DCHS2: variants seen among roughly 807,000 people sequenced by gnomAD.
The protein encoded by DCHS2 is dachsous cadherin-related 2, also known as protocadherin-23.
Under a neutral mutation model 182.4 loss-of-function variants are expected in DCHS2, and 142 were observed. That is an observed-to-expected ratio of 0.78 (90% confidence interval 0.68 to 0.89). The LOEUF is 0.89. Ranked by LOEUF, DCHS2 falls within the 40% of genes least tolerant of loss-of-function variation. DCHS2 has a pLI of 0.00. For missense variants in DCHS2, 4,319 were observed against 4,198.6 expected (o/e 1.03, Z -0.79); for synonymous variants, 1,740 against 1,663.3 (o/e 1.05, Z -1.12).
chr4:154,271,427 C>T (rs1482794543), intron 13 of DCHS2, among the ~76,000 whole-genome samples: 1 of 152,052 alleles, frequency 6.6e-6, no homozygotes, highest in Non-Finnish European at 1.5e-5. Flanking sequence ...ACTTTATTTA[C>T]CAAAATAAGT....
At chr4:154,287,654 A>G (rs1324176288) in intron 13 of DCHS2, among the ~76,000 whole-genome samples, 1 of 151,876 alleles carries the variant, frequency 6.6e-6, no homozygotes, top group African/African-American at 2.4e-5. Context: ...TAATTTTTCT[A>G]TTTCTTTAAG....
chr4:154,355,497 A>C (rs1729818595), intron 3 of DCHS2: 1 of 152,140 alleles, frequency 6.6e-6, no homozygotes, highest in South Asian at 2.1e-4. Context: ...TAACCATAAA[A>C]ATAGCCAACC....
chr4:154,374,154 G>T (rs1034877501), intron 2 of DCHS2: 1 of 535,138 alleles, frequency 1.9e-6, no homozygotes, highest in Non-Finnish European at 3.3e-6. Context: ...TGACAGACAG[G>T]TTATGAGCAT....
intron 10 of DCHS2, among the ~76,000 whole-genome samples, chr4:154,308,045 T>A (rs1027825476): frequency 3.3e-5 from 5 of 152,178 alleles, no homozygotes; most frequent in Non-Finnish European, 5.9e-5. Context: ...CTTCTCTAGC[T>A]ATAAGAAGAA....
chr4:154,329,080 A>T (rs984314698), intron 6 of DCHS2, among the ~76,000 whole-genome samples: 5 of 152,242 alleles, frequency 3.3e-5, no homozygotes, highest in Non-Finnish European at 5.9e-5. Context: ...ATGTGATCAA[A>T]AGGATCAACT....
At chr4:154,244,424 G>A (rs974746685) in intron 16 of DCHS2, among the ~76,000 whole-genome samples, 7 of 152,160 alleles carry the variant, frequency 4.6e-5, no homozygotes, top group Non-Finnish European at 1.0e-4. Context: ...CTCTGAACAC[G>A]ATGAAGGCTA....
chr4:154,482,654 A>T (rs1380199353), intron 1 of DCHS2, among the ~76,000 whole-genome samples: 1 of 152,240 alleles, frequency 6.6e-6, no homozygotes, highest in African/African-American at 2.4e-5. Flanking sequence ...GTATAGAGGT[A>T]GAGGTAAAAG....
intron 1 of DCHS2, among the ~76,000 whole-genome samples, chr4:154,468,659 C>A (rs1735334286): frequency 6.6e-6 from 1 of 152,086 alleles, no homozygotes; most frequent in Admixed American, 6.6e-5. Context: ...GCTATTGATA[C>A]AACGGTTTCT....
chr4:154,463,941 A>G (rs1735129426), intron 1 of DCHS2, among the ~76,000 whole-genome samples: 1 of 152,232 alleles, frequency 6.6e-6, no homozygotes, highest in Non-Finnish European at 1.5e-5. Flanking sequence ...CTTTGCAGAG[A>G]ATAGCAAATA....
intron 1 of DCHS2, among the ~76,000 whole-genome samples, chr4:154,483,889 T>G (rs1011405599): frequency 6.6e-6 from 1 of 152,196 alleles, no homozygotes; most frequent in Non-Finnish European, 1.5e-5. Flanking sequence ...TTCACAGCTT[T>G]AAGTATCACC....
At chr4:154,254,326 G>A (rs561135487) in intron 16 of DCHS2, among the ~76,000 whole-genome samples, 3 of 152,286 alleles carry the variant, frequency 2.0e-5, no homozygotes, top group South Asian at 2.1e-4. Flanking sequence ...ATATGCGGGT[G>A]TGCTTTTACT....
At chr4:154,387,156 TTTTATTGC>T (rs1293068914) in intron 1 of DCHS2, among the ~76,000 whole-genome samples, 4 of 152,178 alleles carry the variant, frequency 2.6e-5, no homozygotes, top group African/African-American at 7.2e-5. Context: ...AATAGCATGT[TTTTATTGC>T]CTTAATTGAA....
At chr4:154,239,326 G>C in intron 18 of DCHS2, 24 bp from the exon 19 acceptor site, 1 of 1,610,930 alleles carries the variant, frequency 6.2e-7, no homozygotes, top group Non-Finnish European at 8.5e-7. Context: ...AGAAAAATAG[G>C]GACATTGTGC....
At chr4:154,312,454 C>G (rs1055407613) in intron 10 of DCHS2, among the ~76,000 whole-genome samples, 1 of 152,160 alleles carries the variant, frequency 6.6e-6, no homozygotes, top group East Asian at 1.9e-4. Flanking sequence ...GAGGTGGAGG[C>G]TGGAGGATGG....
chr4:154,355,927 C>T (rs920185350), intron 3 of DCHS2, among the ~76,000 whole-genome samples: 2 of 151,838 alleles, frequency 1.3e-5, no homozygotes, highest in East Asian at 1.9e-4. Context: ...TAATAAATGG[C>T]CATATTACTG....
chr4:154,331,127 G>A (rs138785979), intron 5 of DCHS2, among the ~76,000 whole-genome samples: 3 of 152,258 alleles, frequency 2.0e-5, no homozygotes, highest in East Asian at 1.9e-4. Flanking sequence ...GCCTTGCCAT[G>A]CTGTCCTTGG....
intron 13 of DCHS2, among the ~76,000 whole-genome samples, chr4:154,274,754 G>C (rs1733757181): frequency 6.6e-6 from 1 of 152,098 alleles, no homozygotes; most frequent in African/African-American, 2.4e-5. Context: ...TTTCTATTGT[G>C]AGAGATTAGA....
chr4:154,255,979 A>C (rs1228435548), intron 15 of DCHS2, among the ~76,000 whole-genome samples: 2 of 152,156 alleles, frequency 1.3e-5, no homozygotes, highest in African/African-American at 4.8e-5. Context: ...TGAATAGGAG[A>C]GTTCCAATAG....
rs142864637 is a variant in DCHS2 at position 154,322,460 on chromosome 4, G to A, written c.4047C>T (p.Asp1349=). The A allele has an allele frequency of 6.4e-4, 1,026 of 1,613,190 alleles. 10 individuals are homozygous for A. In the African/African-American group the frequency reaches 0.011, roughly 17 times the overall value. The change falls in exon 8 of 20, where the codon GAC becomes GAT. Residue 1349 remains aspartate, a synonymous_variant. Coordinates refer to ENST00000357232, the MANE Select transcript of DCHS2 (RefSeq NM_001358235.2). ...TTGTTCTTATTTCACCATTGTTGGC[G>A]TCAATCTTAAAGTGATCAGAACTAT... ...SEDSSDHFKI[D]ANNGEIRTTT...
Sources: allele counts gnomAD v4.1 joint callset (sites outside exome capture counted in the v4.1 genomes callset), GRCh38; gene constraint gnomAD v4.1.1; transcripts MANE v1.5; gene names NCBI Gene and HGNC (gene_info 2026-07-23, HGNC 2026-07-21).